The following IFT43 variants were observed in gnomAD, a reference collection of about 807,000 sequenced individuals.
IFT43 encodes the protein intraflagellar transport protein 43 homolog.
A neutral mutation model predicts 32.3 loss-of-function variants in IFT43; 33 were observed. The ratio of observed to expected loss-of-function variants is 1.02; its 90% CI spans 0.77 to 1.37. The LOEUF is 1.37. Ranked by LOEUF, IFT43 falls within the 40% of genes most tolerant of loss-of-function variation. IFT43 has a pLI of 0.00. For synonymous variants in IFT43, 93 were observed against 98.2 expected (o/e 0.95, Z 0.31); for missense variants, 274 against 265.9 (o/e 1.03, Z -0.21).
chr14:76,080,722 G>A (rs1195150595), intron 5 of IFT43, among the ~76,000 whole-genome samples: 1 of 152,174 alleles, frequency 6.6e-6, no homozygotes, highest in Non-Finnish European at 1.5e-5. Context: ...GGCATTCTCA[G>A]CAGCCTGCAC....
intron 2 of IFT43, among the ~76,000 whole-genome samples, chr14:75,989,535 G>A (rs567877992): frequency 3.3e-5 from 5 of 152,070 alleles, no homozygotes; most frequent in Non-Finnish European, 1.5e-5. Flanking sequence ...CTTACTCAGA[G>A]CCCCTTTTTA....
intron 5 of IFT43, among the ~76,000 whole-genome samples, chr14:76,081,228 A>G (rs972527230): frequency 6.6e-6 from 1 of 152,224 alleles, no homozygotes; most frequent in Admixed American, 6.5e-5. Flanking sequence ...TGTTGAAATG[A>G]TTTGCACCTC....
chr14:76,036,815 C>T (rs902441646), intron 3 of IFT43, among the ~76,000 whole-genome samples: 2 of 151,934 alleles, frequency 1.3e-5, no homozygotes, highest in Non-Finnish European at 2.9e-5. Context: ...TCCTTCCCTC[C>T]CTCTGTCCCT....
chr14:76,010,213 G>A (rs945720194), intron 2 of IFT43, among the ~76,000 whole-genome samples: 29 of 152,150 alleles, frequency 1.9e-4, no homozygotes, highest in Admixed American at 1.2e-3. Context: ...ACCTTCCTCC[G>A]TCACCTGTAG....
intron 2 of IFT43, among the ~76,000 whole-genome samples, chr14:76,003,527 G>A (rs1232118225): frequency 4.0e-5 from 6 of 151,882 alleles, no homozygotes; most frequent in Non-Finnish European, 8.8e-5. Flanking sequence ...TTGGGAGGCT[G>A]AGGCAGGAGA....
chr14:76,082,183 C>T, intron 5 of IFT43, 112 bp from the exon 6 acceptor site: 1 of 969,922 alleles, frequency 1.0e-6, no homozygotes, highest in South Asian at 1.3e-5. Context: ...CCTTCCTGCC[C>T]CAGCCCACAG....
chr14:76,042,715 A>C (rs1215636158), intron 3 of IFT43, among the ~76,000 whole-genome samples: 1 of 152,194 alleles, frequency 6.6e-6, no homozygotes, highest in Non-Finnish European at 1.5e-5. Context: ...ATTGGAAATG[A>C]TTGTCCCTTC....
At chr14:76,083,413 GA>G in intron 8 of IFT43, 44 bp from the exon 9 acceptor site, 1 of 1,614,034 alleles carries the variant, frequency 6.2e-7, no homozygotes, top group Non-Finnish European at 8.5e-7. Context: ...ACAGTTGAGG[GA>G]AAAGGCCTTT....
chr14:75,985,816 G>C lies in IFT43; in HGVS notation c.30G>C (p.Glu10Asp). MEDLLDLDE[E>D]LRYSLATSRA... ...AGGATTTGCTCGACTTGGACGAGGA[G>C]CTTCGCTACAGCTTGGCTACCTCCG... The change falls in exon 1 of 9, where the codon GAG becomes GAC. Residue 10 changes from glutamate (E) to aspartate (D), a missense_variant. Transcript: ENST00000314067. 1.2e-6 allele frequency: 2 copies of C among 1,614,216 alleles called. No individual in the cohort carries two copies. Among genetic ancestry groups the C allele is most frequent in the Non-Finnish European group, 1.7e-6 (2 of 1,180,044 alleles).
intron 2 of IFT43, among the ~76,000 whole-genome samples, chr14:76,001,619 G>A (rs2035886906): frequency 3.9e-5 from 6 of 152,252 alleles, no homozygotes; most frequent in Admixed American, 3.9e-4. Context: ...CACAGTGGAA[G>A]CAGGTAGTTG....
chr14:76,028,864 A>G (rs945256512), intron 3 of IFT43, among the ~76,000 whole-genome samples: 1 of 152,204 alleles, frequency 6.6e-6, no homozygotes, highest in Admixed American at 6.5e-5. Context: ...TCCACCATTG[A>G]TGGACACCTA....
chr14:76,011,441 G>A (rs1325603490), intron 2 of IFT43, among the ~76,000 whole-genome samples: 1 of 152,212 alleles, frequency 6.6e-6, no homozygotes, highest in African/African-American at 2.4e-5. Flanking sequence ...TCAAGTAGCA[G>A]CACATTACGT....
At chr14:76,031,193 T>C (rs1438014905) in intron 3 of IFT43, among the ~76,000 whole-genome samples, 1 of 151,994 alleles carries the variant, frequency 6.6e-6, no homozygotes, top group Non-Finnish European at 1.5e-5. Context: ...TAAAGTTTTA[T>C]TGGAATACAG....
At chr14:76,028,503 G>T (rs778499475) in intron 3 of IFT43, among the ~76,000 whole-genome samples, 2 of 151,956 alleles carry the variant, frequency 1.3e-5, no homozygotes, top group African/African-American at 4.8e-5. Flanking sequence ...AGATATATGC[G>T]CAGGTTTGTT....
chr14:76,045,178 C>T (rs1242161598), intron 3 of IFT43, among the ~76,000 whole-genome samples: 1 of 152,194 alleles, frequency 6.6e-6, no homozygotes, highest in South Asian at 2.1e-4. Context: ...CATCCTCCTT[C>T]TTTATAGCAA....
intron 3 of IFT43, among the ~76,000 whole-genome samples, chr14:76,045,358 T>C (rs989146885): frequency 2.0e-5 from 3 of 152,226 alleles, no homozygotes; most frequent in Non-Finnish European, 4.4e-5. Context: ...TCTGAAACCA[T>C]ATATGAAGGT....
chr14:76,020,019 G>A (rs1434596859), intron 2 of IFT43, among the ~76,000 whole-genome samples: 2 of 151,950 alleles, frequency 1.3e-5, no homozygotes, highest in African/African-American at 4.8e-5. Context: ...CCTGTTGCCA[G>A]GCTGGAGTAT....
At chr14:75,999,271 ATGTATATATATTTTT>A (rs2035832904) in intron 2 of IFT43, among the ~76,000 whole-genome samples, 6 of 25,812 alleles carry the variant, frequency 2.3e-4, no homozygotes, top group African/African-American at 1.2e-3. Context: ...ATATATATAT[ATGTATATATATTTTT>A]TTTTTTTTTT....
At chr14:76,032,711 A>G (rs1594831500) in intron 3 of IFT43, among the ~76,000 whole-genome samples, 2 of 152,336 alleles carry the variant, frequency 1.3e-5, no homozygotes, top group Admixed American at 1.3e-4. Context: ...GTATTTTTAA[A>G]CGGTCACTTT....
Sources: gnomAD v4.1 joint callset for allele counts (sites outside exome capture counted in the v4.1 genomes callset) on GRCh38, gnomAD v4.1.1 for gene constraint, MANE v1.5 for transcripts, NCBI Gene and HGNC (gene_info 2026-07-23, HGNC 2026-07-21) for gene names.